The following CDC42BPA variants were observed in gnomAD, a reference collection of about 807,000 sequenced individuals.
CDC42BPA encodes CDC42 binding protein kinase alpha.
CDC42BPA carries 80 observed loss-of-function variants against 223.5 expected under a neutral mutation model. The observed-to-expected ratio is 0.36, with a 90% CI of 0.30 to 0.43. The LOEUF (loss-of-function observed/expected upper bound fraction) is 0.43, where lower values mean the gene tolerates loss of function less well. Ranked by LOEUF, CDC42BPA falls within the 20% of genes least tolerant of loss-of-function variation. CDC42BPA has a pLI of 1.00. For synonymous variants in CDC42BPA, 694 were observed against 718.6 expected, an observed-to-expected ratio of 0.97 and a Z score of 0.55; for missense variants, 1,743 against 2,099.9, an observed-to-expected ratio of 0.83 and a Z score of 3.32.
intron 20 of CDC42BPA, among the ~76,000 whole-genome samples, chr1:227,070,837 ATAAACT>A: frequency 6.7e-6 from 1 of 149,238 alleles, no homozygotes; most frequent in African/African-American, 2.6e-5. Context: ...GCCTTCAGTG[ATAAACT>A]TAAGTCTCTT....
At chr1:227,217,135 C>T (rs1329809125) in intron 2 of CDC42BPA, among the ~76,000 whole-genome samples, 14 of 152,092 alleles carry the variant, frequency 9.2e-5, no homozygotes, top group African/African-American at 3.4e-4. Context: ...AATTCATTCA[C>T]CATATCTCCT....
intron 1 of CDC42BPA, among the ~76,000 whole-genome samples, chr1:227,276,347 G>A (rs144218379): frequency 6.1e-5 from 9 of 148,240 alleles, no homozygotes; most frequent in Admixed American, 3.3e-4. Flanking sequence ...GTCTCTGCCC[G>A]GCCGCCCCGT....
intron 32 of CDC42BPA, among the ~76,000 whole-genome samples, chr1:227,019,403 A>AAAGTCATC (rs1459288838): frequency 6.6e-6 from 1 of 152,152 alleles, no homozygotes; most frequent in African/African-American, 2.4e-5. Flanking sequence ...GGAACCTCTA[A>AAAGTCATC]AAGTCATCTA....
At chr1:227,150,402 A>C (rs925305310) in intron 6 of CDC42BPA, among the ~76,000 whole-genome samples, 4 of 152,172 alleles carry the variant, frequency 2.6e-5, no homozygotes, top group Admixed American at 2.6e-4. Context: ...AATTATTAAT[A>C]ACTAAGAATT....
intron 1 of CDC42BPA, among the ~76,000 whole-genome samples, chr1:227,300,274 A>T (rs984059980): frequency 6.6e-6 from 1 of 152,180 alleles, no homozygotes; most frequent in African/African-American, 2.4e-5. Context: ...TTAAAGAACT[A>T]AAAGTATATC....
At chr1:227,033,178 A>C (rs1170028350) in intron 27 of CDC42BPA, among the ~76,000 whole-genome samples, 156 bp downstream of exon 27, 2 of 152,212 alleles carry the variant, frequency 1.3e-5, no homozygotes, top group Non-Finnish European at 2.9e-5. Context: ...ACTTAGCACC[A>C]ATTTTCTATA....
rs1450304796 is a variant in CDC42BPA, at chr1:227,112,932, A to C, written c.1648-19T>G. On this transcript the variant is annotated intron_variant, in intron 12 of 36. Coordinates refer to ENST00000366766, the MANE Select transcript of CDC42BPA (RefSeq NM_001394014.1). ...CTAGTTCCTACAGTTTTGTAAAAAG[A>C]ATATAAGTTACCAATTCTGCAACCT... 6.2e-7 allele frequency: 1 copy of C among 1,608,456 alleles called. No individual in the cohort carries two copies.
intron 2 of CDC42BPA, among the ~76,000 whole-genome samples, chr1:227,226,769 C>T (rs1676934202): frequency 6.6e-6 from 1 of 152,138 alleles, no homozygotes; most frequent in South Asian, 2.1e-4. Context: ...CCTTCAAGCT[C>T]ATGAGATGAC....
intron 34 of CDC42BPA, among the ~76,000 whole-genome samples, chr1:227,005,755 AACAGGTTTATAT>A (rs1217646059): frequency 6.6e-6 from 1 of 152,202 alleles, no homozygotes; most frequent in Non-Finnish European, 1.5e-5. Context: ...AGAGTTTATA[AACAGGTTTATAT>A]ACATTTACTT....
rs115384630 is a variant in CDC42BPA at position 227,029,472 on chromosome 1, C to T, written c.3839-222G>A. Among the ~76,000 whole-genome samples, 406 of 152,270 alleles carry T rather than the reference C, an allele frequency of 2.7e-3. 3 individuals carry two copies. Among genetic ancestry groups the T allele is most frequent in the African/African-American group, 9.4e-3 (392 of 41,552 alleles). ...TGAGATTTCTGGCAGCCAAGGCAAA[C>T]CCCAAAGGATTCTTGTGTAAAAGTA... On this transcript the variant is annotated intron_variant, in intron 29 of 36. Transcript: ENST00000366766.
intron 35 of CDC42BPA, among the ~76,000 whole-genome samples, chr1:227,001,565 C>T (rs773093210): frequency 5.3e-5 from 8 of 152,130 alleles, no homozygotes; most frequent in Non-Finnish European, 1.2e-4. Flanking sequence ...TGCTGAAAAC[C>T]AAAAGTTTTT....
intron 2 of CDC42BPA, among the ~76,000 whole-genome samples, chr1:227,239,217 AG>A (rs1246700979): frequency 2.6e-5 from 4 of 152,208 alleles, no homozygotes; most frequent in African/African-American, 9.7e-5. Context: ...AAAAGGCAAA[AG>A]TATGGAGATT....
At chr1:227,203,238 T>C (rs1174292043) in intron 3 of CDC42BPA, among the ~76,000 whole-genome samples, 3 of 152,200 alleles carry the variant, frequency 2.0e-5, no homozygotes, top group Non-Finnish European at 2.9e-5. Flanking sequence ...AGTCTAGATA[T>C]AAAGCACAGG....
At chr1:227,282,274 G>C (rs1201280514) in intron 1 of CDC42BPA, among the ~76,000 whole-genome samples, 1 of 151,760 alleles carries the variant, frequency 6.6e-6, no homozygotes, top group Non-Finnish European at 1.5e-5. Flanking sequence ...ATATTCTTAG[G>C]GTGAGAACAG....
At chr1:227,187,976 T>G (rs1294885625) in intron 5 of CDC42BPA, among the ~76,000 whole-genome samples, 4 of 151,974 alleles carry the variant, frequency 2.6e-5, no homozygotes, top group Non-Finnish European at 5.9e-5. Flanking sequence ...CTGAGGGGAT[T>G]TGTTGCCAGG....
In CDC42BPA at chr1:227,047,949, C is replaced by T; in HGVS notation, c.3071G>A (p.Gly1024Asp). Residue 1024 changes from glycine (G) to aspartate (D), a missense_variant, in exon 23 of 37, where the codon GGT becomes GAT. Transcript: ENST00000366766. The part of the protein sequence containing the change: ...TPTLRKKGCP[G>D]STGFPPKRKT... ...TACCTTAGGTGGAAAGCCAGTTGAA[C>T]CAGGACATCCTTTTTTCCTTAAGGT... 1 of 1,610,280 alleles carries T rather than the reference C, an allele frequency of 6.2e-7. No individual in the cohort carries two copies. Among genetic ancestry groups the T allele is most frequent in the Non-Finnish European group, 8.5e-7 (1 of 1,177,134 alleles).
chr1:227,079,675 T>C (rs1305146963), intron 17 of CDC42BPA, among the ~76,000 whole-genome samples: 1 of 152,124 alleles, frequency 6.6e-6, no homozygotes, highest in African/African-American at 2.4e-5. Flanking sequence ...GCATATTCCC[T>C]TTATATGCAC....
chr1:227,074,426 AT>A, intron 17 of CDC42BPA, 62 bp from the exon 18 acceptor site: 1 of 1,159,252 alleles, frequency 8.6e-7, no homozygotes, highest in South Asian at 1.4e-5. Context: ...AATATATGTT[AT>A]TTTAAAGCTT....
chr1:227,070,403 A>G (rs1446850022), intron 20 of CDC42BPA, among the ~76,000 whole-genome samples: 1 of 151,296 alleles, frequency 6.6e-6, no homozygotes, highest in Non-Finnish European at 1.5e-5. Flanking sequence ...ATTTTTAAAA[A>G]TTCATACATA....
Sources: allele counts gnomAD v4.1 joint callset (sites outside exome capture counted in the v4.1 genomes callset), GRCh38; gene constraint gnomAD v4.1.1; transcripts MANE v1.5; gene names NCBI Gene and HGNC (gene_info 2026-07-23, HGNC 2026-07-21).